The following XKR9 variants were observed in gnomAD, a reference collection of about 807,000 sequenced individuals.
XKR9 encodes the protein XK-related protein 9.
XKR9 carries 32 observed loss-of-function variants against 32.0 expected under a neutral mutation model. That is an observed-to-expected ratio of 1.00 (90% CI 0.76 to 1.34). The LOEUF (loss-of-function observed/expected upper bound fraction) is 1.34. Among genes scored for constraint, XKR9 ranks in the 40% most tolerant of loss-of-function variants. The probability of loss-of-function intolerance (pLI) is 0.00; values close to 1 mark genes in which losing one functional copy is unlikely to be tolerated. For synonymous variants in XKR9, 168 were observed against 143.4 expected, an observed-to-expected ratio of 1.17 and a Z score of -1.22; for missense variants, 546 against 429.7, an observed-to-expected ratio of 1.27 and a Z score of -2.39.
the XKR9 span, among the ~76,000 whole-genome samples, chr8:70,941,675 A>T: frequency 6.6e-6 from 1 of 152,134 alleles, no homozygotes; most frequent in East Asian, 1.9e-4. Flanking sequence ...TTAAAACTAG[A>T]TATAGAAGTG....
chr8:70,910,711 G>T, the XKR9 span, among the ~76,000 whole-genome samples: 2 of 152,178 alleles, frequency 1.3e-5, no homozygotes, highest in Non-Finnish European at 2.9e-5. Flanking sequence ...CTACAAGTTA[G>T]AAGTTTCAGT....
chr8:70,799,832 T>G, the XKR9 span, among the ~76,000 whole-genome samples: 1 of 152,174 alleles, frequency 6.6e-6, no homozygotes, highest in Non-Finnish European at 1.5e-5. Context: ...CTTCCTCTCT[T>G]TCTATTTGAA....
the XKR9 span, among the ~76,000 whole-genome samples, chr8:70,956,383 G>A: frequency 1.3e-5 from 2 of 152,088 alleles, no homozygotes; most frequent in East Asian, 3.9e-4. Flanking sequence ...TGGAGGAAGT[G>A]TATGCTGATT....
intron 3 of XKR9, among the ~76,000 whole-genome samples, chr8:70,696,603 A>G (rs1805286665): frequency 6.8e-6 from 1 of 147,476 alleles, no homozygotes; most frequent in Non-Finnish European, 1.5e-5. Context: ...GTATAGTTTG[A>G]AGTCAGGTAG....
the XKR9 span, among the ~76,000 whole-genome samples, chr8:70,819,386 A>G: frequency 7.2e-5 from 11 of 152,248 alleles, no homozygotes; most frequent in African/African-American, 2.7e-4. Flanking sequence ...AGTTTCCAGC[A>G]TGTTACTAAC....
chr8:70,907,872 A>T, the XKR9 span, among the ~76,000 whole-genome samples: 4 of 152,258 alleles, frequency 2.6e-5, no homozygotes, highest in Admixed American at 6.5e-5. Flanking sequence ...ATTAGTTTAA[A>T]TGCTCAAAAT....
the XKR9 span, among the ~76,000 whole-genome samples, chr8:70,808,151 C>A: frequency 2.6e-5 from 4 of 152,232 alleles, no homozygotes; most frequent in Middle Eastern, 3.4e-3. Flanking sequence ...ATTGAACAAC[C>A]TGCTCCTGAA....
the XKR9 span, among the ~76,000 whole-genome samples, chr8:70,999,695 G>A: frequency 7.9e-5 from 12 of 152,158 alleles, no homozygotes; most frequent in African/African-American, 4.8e-5. Flanking sequence ...TGTAGTAGCT[G>A]TTTTATGTCA....
Position 70,734,075 on chromosome 8 carries a change from G to T in XKR9, c.773G>T (p.Ser258Ile). The T allele has an allele frequency of 6.2e-7, 1 of 1,613,034 alleles. No homozygotes were observed. The highest frequency in any genetic ancestry group is 8.5e-7 in the Non-Finnish European group (1 of 1,179,324). The part of the protein sequence containing the change: ...KNNTQFCTCI[S>I]MEFLYRIVVG... Reference sequence around the variant, plus strand: ...AACACCCAGTTTTGTACTTGTATAAGTATGGAATTCTTATATAGGATTGTT... The same window carrying T: ...AACACCCAGTTTTGTACTTGTATAATTATGGAATTCTTATATAGGATTGTT... Residue 258 changes from serine (S) to isoleucine (I), a missense_variant, in exon 5 of 5, where the codon AGT becomes ATT. Physicochemically the swap from Ser to Ile is moderately radical, Grantham distance 142. Transcript: ENST00000408926.
At chr8:70,767,689 G>C (rs927873138) in intron 2 of XKR9, among the ~76,000 whole-genome samples, 5 of 151,758 alleles carry the variant, frequency 3.3e-5, no homozygotes, top group Admixed American at 3.3e-4. Flanking sequence ...TTTTAATAGA[G>C]ATGGGGTTTC....
At chr8:70,970,255 C>T in the XKR9 span, among the ~76,000 whole-genome samples, 2 of 152,042 alleles carry the variant, frequency 1.3e-5, no homozygotes, top group Admixed American at 1.3e-4. Context: ...TGGGTAGATA[C>T]CTCGTAGTGG....
At chr8:70,830,442 C>T in the XKR9 span, among the ~76,000 whole-genome samples, 2 of 151,330 alleles carry the variant, frequency 1.3e-5, no homozygotes, top group Non-Finnish European at 2.9e-5. Context: ...GAAATATCAG[C>T]TGAGAGTCGT....
chr8:71,020,707 C>T, the XKR9 span, among the ~76,000 whole-genome samples: 5 of 152,074 alleles, frequency 3.3e-5, no homozygotes, highest in Non-Finnish European at 5.9e-5. Context: ...TGTAATGATC[C>T]GGGTGTTTAG....
chr8:71,006,335 T>C, the XKR9 span, among the ~76,000 whole-genome samples: 1 of 130,334 alleles, frequency 7.7e-6, no homozygotes, highest in Non-Finnish European at 1.6e-5. Context: ...TTAAAAAAGA[T>C]TTTTTTTTTT....
the XKR9 span, among the ~76,000 whole-genome samples, chr8:70,796,515 A>G: frequency 2.2e-4 from 33 of 152,072 alleles, no homozygotes; most frequent in East Asian, 5.6e-3. Context: ...ATTTTTTCAC[A>G]GTACAAACTT....
the XKR9 span, among the ~76,000 whole-genome samples, chr8:70,818,362 C>T: frequency 6.6e-6 from 1 of 152,094 alleles, no homozygotes; most frequent in Non-Finnish European, 1.5e-5. Flanking sequence ...TTATCTCCTG[C>T]AGCACTTATC....
chr8:70,700,197 C>T (rs1276885118), intron 3 of XKR9, among the ~76,000 whole-genome samples: 1 of 152,222 alleles, frequency 6.6e-6, no homozygotes, highest in Non-Finnish European at 1.5e-5. Flanking sequence ...AAGTCATTCT[C>T]TGTCCAGCTT....
chr8:70,821,501 C>T, the XKR9 span, among the ~76,000 whole-genome samples: 1 of 152,174 alleles, frequency 6.6e-6, no homozygotes, highest in Non-Finnish European at 1.5e-5. Flanking sequence ...GGGCTCTGAC[C>T]CCACATTTCT....
chr8:70,880,483 C>G, the XKR9 span, among the ~76,000 whole-genome samples: 1 of 152,090 alleles, frequency 6.6e-6, no homozygotes, highest in Non-Finnish European at 1.5e-5. Flanking sequence ...CATTAACAGA[C>G]AAACAGAGAG....
Sources: gnomAD v4.1 joint callset for allele counts (sites outside exome capture counted in the v4.1 genomes callset) on GRCh38, gnomAD v4.1.1 for gene constraint, MANE v1.5 for transcripts, NCBI Gene and HGNC (gene_info 2026-07-23, HGNC 2026-07-21) for gene names.